The following CSMD1 variants were observed in gnomAD, a reference collection of about 807,000 sequenced individuals.
CSMD1 encodes CUB and sushi domain-containing protein 1.
A neutral mutation model predicts 417.5 loss-of-function variants in CSMD1; 213 were observed. The ratio of observed to expected loss-of-function variants is 0.51; its 90% CI spans 0.46 to 0.57. The LOEUF is 0.57. Ranked by LOEUF, CSMD1 falls within the 20% of genes least tolerant of loss-of-function variation. CSMD1 has a pLI of 0.00. For missense variants in CSMD1, 6,923 were observed against 4,529.7 expected (o/e 1.53, Z -15.17); for synonymous variants, 2,862 against 1,736.8 (o/e 1.65, Z -16.11).
intron 37 of CSMD1, among the ~76,000 whole-genome samples, chr8:3,174,310 A>G (rs941455083): frequency 6.6e-6 from 1 of 152,294 alleles, no homozygotes; most frequent in South Asian, 2.1e-4. Flanking sequence ...CCTGGGCAAC[A>G]TGGTGAAAGC....
chr8:3,013,505 C>A (rs1808578938), intron 52 of CSMD1, among the ~76,000 whole-genome samples: 1 of 152,170 alleles, frequency 6.6e-6, no homozygotes, highest in Non-Finnish European at 1.5e-5. Flanking sequence ...AATCCCAGCA[C>A]TTTGGGAGGC....
intron 2 of CSMD1, among the ~76,000 whole-genome samples, chr8:4,452,501 A>G (rs1374980266): frequency 2.0e-5 from 3 of 152,210 alleles, no homozygotes; most frequent in Non-Finnish European, 2.9e-5. Flanking sequence ...TGCTAACTAC[A>G]GCTTTAATTT....
chr8:3,828,448 A>C (rs1387765373), intron 5 of CSMD1, among the ~76,000 whole-genome samples: 1 of 152,178 alleles, frequency 6.6e-6, no homozygotes, highest in Non-Finnish European at 1.5e-5. Context: ...AAAGAATAAA[A>C]TATATAAAAA....
In CSMD1 at chr8:3,588,410, C is replaced by T. The variant is rs867671413; in HGVS notation, c.1098-2150G>A. 3.3e-5 allele frequency among the ~76,000 whole-genome samples: 5 copies of T among 152,032 alleles called. No individual in the cohort carries two copies. In the South Asian group the frequency reaches 1.0e-3, roughly 32 times the overall value. On this transcript the variant is annotated intron_variant, in intron 8 of 69. Transcript: ENST00000635120. ...GGAAGAGTTGGAATTTCAGTGTGGC[C>T]ACTTCTTCAATGATCCCCTTAACCT...
At chr8:4,959,910 C>T (rs1809366378) in intron 1 of CSMD1, among the ~76,000 whole-genome samples, 1 of 152,134 alleles carries the variant, frequency 6.6e-6, no homozygotes, top group South Asian at 2.1e-4. Flanking sequence ...AACAATCTTC[C>T]CTATTTTCTG....
intron 3 of CSMD1, among the ~76,000 whole-genome samples, chr8:4,158,278 AAAC>A (rs1796949181): frequency 6.6e-6 from 1 of 152,080 alleles, no homozygotes; most frequent in Non-Finnish European, 1.5e-5. Context: ...CGGGAAGACT[AAAC>A]AACAGAAGTA....
chr8:3,859,443 A>C (rs1804538046), intron 5 of CSMD1, among the ~76,000 whole-genome samples: 1 of 152,188 alleles, frequency 6.6e-6, no homozygotes, highest in African/African-American at 2.4e-5. Context: ...CCAACCTCAG[A>C]AATGCCTGGA....
intron 2 of CSMD1, among the ~76,000 whole-genome samples, chr8:4,439,493 C>A (rs374219988): frequency 6.6e-6 from 1 of 152,026 alleles, no homozygotes; most frequent in Non-Finnish European, 1.5e-5. Flanking sequence ...GTTTGACGAA[C>A]AAGCTGAGAT....
intron 3 of CSMD1, among the ~76,000 whole-genome samples, chr8:4,324,233 T>G (rs1418339545): frequency 6.6e-6 from 1 of 152,210 alleles, no homozygotes; most frequent in East Asian, 1.9e-4. Flanking sequence ...CTGCAGAGAT[T>G]TCCCTACACC....
chr8:3,501,034 C>A (rs147891170), intron 10 of CSMD1, among the ~76,000 whole-genome samples: 2 of 151,556 alleles, frequency 1.3e-5, no homozygotes, highest in African/African-American at 4.9e-5. Context: ...TTTTCCTTGA[C>A]AAAATATTAA....
chr8:4,566,545 C>T (rs554694932), intron 2 of CSMD1, among the ~76,000 whole-genome samples: 3 of 147,818 alleles, frequency 2.0e-5, no homozygotes, highest in Admixed American at 6.9e-5. Context: ...CCCACCTACT[C>T]GGGAGGCTGA....
rs573555329 is a variant in CSMD1 at position 4,193,543 on chromosome 8, G to C, written c.416-161444C>G. On this transcript the variant is annotated intron_variant, in intron 3 of 69. Coordinates refer to ENST00000635120, the MANE Select transcript of CSMD1 (RefSeq NM_033225.6). ...ACCCAAGGACTGGCTGAAGAGGTCT[G>C]AGTCACAAGAGGCTGTGGGAAAACA... Among the ~76,000 whole-genome samples, 70 of 152,214 alleles carry C rather than the reference G, an allele frequency of 4.6e-4. No homozygotes were observed. In the Middle Eastern group the frequency reaches 0.01, roughly 22 times the overall value.
intron 54 of CSMD1, among the ~76,000 whole-genome samples, chr8:2,992,723 C>A (rs2128949268): frequency 6.6e-6 from 1 of 151,564 alleles, no homozygotes; most frequent in East Asian, 2.0e-4. Flanking sequence ...CCATGCCCAG[C>A]AAACTAGGTC....
At chr8:4,302,368 G>C (rs1269736193) in intron 3 of CSMD1, among the ~76,000 whole-genome samples, 2 of 152,140 alleles carry the variant, frequency 1.3e-5, no homozygotes, top group Non-Finnish European at 2.9e-5. Flanking sequence ...AATGTATCAA[G>C]GGGTTATACT....
intron 30 of CSMD1, among the ~76,000 whole-genome samples, chr8:3,209,409 C>CG (rs1243413812): frequency 3.3e-5 from 5 of 151,954 alleles, no homozygotes; most frequent in African/African-American, 1.2e-4. Context: ...TTCCATCTCC[C>CG]GGGTTCATGC....
At chr8:3,515,654 G>T (rs1797253389) in intron 10 of CSMD1, among the ~76,000 whole-genome samples, 1 of 152,216 alleles carries the variant, frequency 6.6e-6, no homozygotes, top group South Asian at 2.1e-4. Flanking sequence ...TGGCCAACTT[G>T]CAACAGACCA....
chr8:4,789,923 C>G (rs1797602320), intron 1 of CSMD1, among the ~76,000 whole-genome samples: 1 of 152,158 alleles, frequency 6.6e-6, no homozygotes, highest in Non-Finnish European at 1.5e-5. Flanking sequence ...CAGATCTGTT[C>G]TGCCAGAGAA....
intron 25 of CSMD1, among the ~76,000 whole-genome samples, chr8:3,285,635 G>A (rs1406710163): frequency 6.6e-6 from 1 of 151,880 alleles, no homozygotes. Context: ...CTCACCTCAG[G>A]TGATCCACCT....
At chr8:4,308,464 C>A (rs2128877434) in intron 3 of CSMD1, among the ~76,000 whole-genome samples, 1 of 152,152 alleles carries the variant, frequency 6.6e-6, no homozygotes, top group South Asian at 2.1e-4. Flanking sequence ...AGGATGTGAT[C>A]TTCAGCGAGG....
Sources: gnomAD v4.1 joint callset for allele counts (sites outside exome capture counted in the v4.1 genomes callset) on GRCh38, gnomAD v4.1.1 for gene constraint, MANE v1.5 for transcripts, NCBI Gene and HGNC (gene_info 2026-07-23, HGNC 2026-07-21) for gene names.